SUGCT: variants seen among roughly 807,000 people sequenced by gnomAD.
SUGCT encodes the protein succinyl-CoA:glutarate-CoA transferase.
SUGCT carries 41 observed loss-of-function variants against 55.0 expected under a neutral mutation model. That is an observed-to-expected ratio of 0.74 (90% CI 0.58 to 0.97). The LOEUF (loss-of-function observed/expected upper bound fraction) is 0.97, where lower values mean the gene tolerates loss of function less well. Among genes scored for constraint, SUGCT ranks in the 50% least tolerant of loss-of-function variants. The pLI, the probability that SUGCT is intolerant of heterozygous loss-of-function variation, is 0.00. For missense variants in SUGCT, 568 were observed against 547.8 expected, an observed-to-expected ratio of 1.04 and a Z score of -0.37; for synonymous variants, 187 against 200.4, an observed-to-expected ratio of 0.93 and a Z score of 0.56.
At chr7:40,547,096 CAT>C (rs1210771564) in intron 12 of SUGCT, among the ~76,000 whole-genome samples, 2 of 152,116 alleles carry the variant, frequency 1.3e-5, no homozygotes, top group Non-Finnish European at 2.9e-5. Context: ...GTAATTGAAT[CAT>C]GTGATCAGTC....
At chr7:40,997,470 A>G in the SUGCT span, among the ~76,000 whole-genome samples, 3 of 152,076 alleles carry the variant, frequency 2.0e-5, no homozygotes, top group Non-Finnish European at 4.4e-5. Flanking sequence ...CTAAGCTTTG[A>G]TCACCAGACT....
intron 8 of SUGCT, among the ~76,000 whole-genome samples, chr7:40,284,662 C>T (rs1285904755): frequency 6.6e-6 from 1 of 150,414 alleles, no homozygotes; most frequent in African/African-American, 2.4e-5. Flanking sequence ...TTGATTTAGT[C>T]ATCTCACAGT....
intron 13 of SUGCT, among the ~76,000 whole-genome samples, chr7:40,786,768 T>A (rs1227056559): frequency 1.3e-5 from 2 of 152,174 alleles, no homozygotes; most frequent in Admixed American, 6.5e-5. Flanking sequence ...ATTGGAATGG[T>A]GTCACTGAGG....
At chr7:40,912,379 T>C in the SUGCT span, among the ~76,000 whole-genome samples, 1 of 152,218 alleles carries the variant, frequency 6.6e-6, no homozygotes, top group Non-Finnish European at 1.5e-5. Context: ...CTGTGATTTA[T>C]CTGTTGCTGA....
intron 13 of SUGCT, among the ~76,000 whole-genome samples, chr7:40,847,932 A>G (rs1433070728): frequency 6.6e-6 from 1 of 152,216 alleles, no homozygotes; most frequent in Non-Finnish European, 1.5e-5. Context: ...GGCATTATAC[A>G]TTAGCCAGAT....
intron 8 of SUGCT, among the ~76,000 whole-genome samples, chr7:40,305,435 C>A (rs548818722): frequency 2.0e-4 from 31 of 152,250 alleles, no homozygotes; most frequent in Admixed American, 1.1e-3. Flanking sequence ...GAGCAGGAAA[C>A]AAATCAGACA....
At chr7:40,178,837 C>G (rs1027241846) in intron 1 of SUGCT, among the ~76,000 whole-genome samples, 2 of 152,042 alleles carry the variant, frequency 1.3e-5, no homozygotes, top group Non-Finnish European at 2.9e-5. Flanking sequence ...GTAATATTCT[C>G]TTTTCTGTTT....
At chr7:40,442,932 C>G (rs1238695664) in intron 9 of SUGCT, among the ~76,000 whole-genome samples, 4 of 152,104 alleles carry the variant, frequency 2.6e-5, no homozygotes, top group African/African-American at 9.7e-5. Flanking sequence ...TCCAAGTGTT[C>G]TCATTGTTCA....
intron 8 of SUGCT, among the ~76,000 whole-genome samples, chr7:40,281,558 T>C (rs1022253754): frequency 6.6e-6 from 1 of 152,232 alleles, no homozygotes; most frequent in Non-Finnish European, 1.5e-5. Flanking sequence ...AGATGTTGAA[T>C]ATTGCTAAAT....
intron 1 of SUGCT, among the ~76,000 whole-genome samples, chr7:40,160,250 A>T (rs1228912758): frequency 6.6e-6 from 1 of 151,952 alleles, no homozygotes; most frequent in Non-Finnish European, 1.5e-5. Context: ...TTTTTTTGAG[A>T]TGGAGACCCG....
the SUGCT span, among the ~76,000 whole-genome samples, chr7:40,954,484 A>G: frequency 6.6e-6 from 1 of 152,154 alleles, no homozygotes; most frequent in East Asian, 1.9e-4. Context: ...GACAAGCCCC[A>G]GTGAGATGAA....
intron 9 of SUGCT, among the ~76,000 whole-genome samples, chr7:40,376,219 A>G (rs1784534873): frequency 6.6e-6 from 1 of 152,206 alleles, no homozygotes; most frequent in Non-Finnish European, 1.5e-5. Context: ...ACTAATCACT[A>G]TGAATACATT....
chr7:40,898,697 TAAA>T, the SUGCT span, among the ~76,000 whole-genome samples: 2 of 144,472 alleles, frequency 1.4e-5, no homozygotes, highest in East Asian at 4.0e-4. Flanking sequence ...AGACTCCGTC[TAAA>T]AAAAAAAAAT....
chr7:40,470,333 G>A (rs1410242008), intron 11 of SUGCT, among the ~76,000 whole-genome samples: 1 of 152,006 alleles, frequency 6.6e-6, no homozygotes, highest in African/African-American at 2.4e-5. Context: ...CTCCAGCATG[G>A]ACTTTGCTTG....
At chr7:40,269,513 T>C (rs1791864549) in intron 7 of SUGCT, among the ~76,000 whole-genome samples, 1 of 151,970 alleles carries the variant, frequency 6.6e-6, no homozygotes. Context: ...CGTAGAGATG[T>C]GGACTTGCTT....
chr7:40,906,174 G>A, the SUGCT span, among the ~76,000 whole-genome samples: 8 of 151,194 alleles, frequency 5.3e-5, no homozygotes, highest in Middle Eastern at 3.4e-3. Flanking sequence ...AGTAAAGACC[G>A]TGGTGGAGAA....
chr7:41,017,639 C>T, the SUGCT span, among the ~76,000 whole-genome samples: 171 of 151,938 alleles, frequency 1.1e-3, no homozygotes, highest in Non-Finnish European at 1.2e-3. Flanking sequence ...GGCGTGGTGG[C>T]GGGTGCCTAT....
At chr7:40,255,618 G>A (rs1359114080) in intron 7 of SUGCT, among the ~76,000 whole-genome samples, 1 of 118,004 alleles carries the variant, frequency 8.5e-6, no homozygotes, top group Non-Finnish European at 1.6e-5. Context: ...CCGAGATCAC[G>A]CCACTGCACT....
downstream of SUGCT, among the ~76,000 whole-genome samples, chr7:40,862,680 A>T (rs1236051540): frequency 6.6e-6 from 1 of 151,144 alleles, no homozygotes; most frequent in Non-Finnish European, 1.5e-5. Context: ...CAGTGGGGTA[A>T]TCGTTACAGA....
Sources: gnomAD v4.1 joint callset for allele counts (sites outside exome capture counted in the v4.1 genomes callset) on GRCh38, gnomAD v4.1.1 for gene constraint, MANE v1.5 for transcripts, NCBI Gene and HGNC (gene_info 2026-07-23, HGNC 2026-07-21) for gene names.